Variants in NFKB2 observed in about 807,000 individuals in gnomAD.
The protein encoded by NFKB2 is nuclear factor kappa B subunit 2, also known as nuclear factor NF-kappa-B p100 subunit.
NFKB2 carries 21 observed loss-of-function variants against 109.3 expected under a neutral mutation model. The ratio of observed to expected loss-of-function variants is 0.19; its 90% CI spans 0.14 to 0.28. The LOEUF is 0.28. Ranked by LOEUF, NFKB2 falls within the 10% of genes least tolerant of loss-of-function variation. The pLI, the probability that NFKB2 is intolerant of heterozygous loss-of-function variation, is 1.00. For missense variants in NFKB2, 806 were observed against 1,185.3 expected (o/e 0.68, Z 4.70); for synonymous variants, 478 against 489.9 (o/e 0.98, Z 0.32).
intron 12 of NFKB2, 149 bp downstream of exon 12, chr10:102,399,013 G>T: frequency 1.1e-6 from 1 of 908,136 alleles, no homozygotes; most frequent in Non-Finnish European, 1.6e-6. Context: ...AGGAGTTCAA[G>T]ACCAGCTTGG....
Position 102,400,952 on chromosome 10 carries a change from G to A in NFKB2, c.1974G>A (p.Arg658=). ...GLVTHLVTKL[R]ANVNARTFAG... is the part of the protein sequence containing the mutation. ...CTCGCTGCTCGCACCCCCAGCTCCG[G>A]GCCAACGTGAACGCTCGCACCTTTG... The change falls in exon 18 of 23, where the codon CGG becomes CGA. Residue 658 remains arginine, a synonymous_variant. Transcript: ENST00000661543. This position sits in a 1 kb window ranked among gnomAD's most constrained non-coding sequence, Gnocchi z 6.3. 1 of 1,612,976 alleles carries A rather than the reference G, an allele frequency of 6.2e-7. No individual in the cohort carries two copies. Among genetic ancestry groups the A allele is most frequent in the East Asian group, 2.2e-5 (1 of 44,848 alleles).
At chr10:102,395,601 C>G, upstream of NFKB2, 1 of 439,180 alleles carries the variant, frequency 2.3e-6, no homozygotes, top group East Asian at 3.9e-5. Flanking sequence ...CGAGGGCCTC[C>G]CGCCCCTCCC....
Position 102,398,708 on chromosome 10 carries a change from T to G in NFKB2, c.992-31T>G. The G allele has an allele frequency of 6.2e-7, 1 of 1,612,116 alleles. No individual in the cohort carries two copies. The highest frequency in any genetic ancestry group is 8.5e-7 in the Non-Finnish European group (1 of 1,179,994). On this transcript the variant is annotated intron_variant, in intron 11 of 22. Transcript: ENST00000661543. The surrounding 1 kb of genome is among the most constrained non-coding windows in gnomAD (Gnocchi z 6.6). Reference sequence around the variant, plus strand: ...GGCCCCTGAGGCATGACACAATAACTGGGCTCAATCTCATTTTCCTCTGCC... The same window carrying G: ...GGCCCCTGAGGCATGACACAATAACGGGGCTCAATCTCATTTTCCTCTGCC...
Position 102,400,205 on chromosome 10 carries a change from G to T in NFKB2, c.1584+11G>T. 6.2e-7 allele frequency: 1 copy of T among 1,613,900 alleles called. No individual in the cohort carries two copies. Among genetic ancestry groups the T allele is most frequent in the Non-Finnish European group, 8.5e-7 (1 of 1,179,896 alleles). On this transcript the variant is annotated intron_variant, in intron 15 of 22. Transcript: ENST00000661543. The surrounding 1 kb of genome is among the most constrained non-coding windows in gnomAD (Gnocchi z 6.3). ...AACCACCTGCACCAGGTGCGGGGGC[G>T]CCTACTGGGGAGGTGGGAGGGGTTG...
In NFKB2 at chr10:102,400,570, T is replaced by C; in HGVS notation, c.1798+79T>C. On this transcript the variant is annotated intron_variant, in intron 16 of 22. Coordinates refer to ENST00000661543, the MANE Select transcript of NFKB2 (RefSeq NM_001322934.2). The surrounding 1 kb of genome is among the most constrained non-coding windows in gnomAD (Gnocchi z 6.3). ...TCTGGCCAGTGCCCAGAATGGACTA[T>C]GAGGTGTCGAGATTGAATGGTCAGG... The C allele has an allele frequency of 1.3e-6, 2 of 1,595,816 alleles. No individual in the cohort carries two copies. The highest frequency in any genetic ancestry group is 8.6e-7 in the Non-Finnish European group (1 of 1,168,930).
upstream of NFKB2, among the ~76,000 whole-genome samples, chr10:102,395,101 T>TGGGGGGG (rs11306069): frequency 1.5e-4 from 3 of 20,614 alleles, no homozygotes; most frequent in African/African-American, 1.6e-4. Flanking sequence ...TTGTATTAGG[T>TGGGGGGG]GGGGGGGGGG....
Position 102,396,194 on chromosome 10 carries a change from G to T in NFKB2, c.22-59G>T. 3.9e-6 allele frequency: 6 copies of T among 1,553,174 alleles called. No homozygotes were observed. Among genetic ancestry groups the T allele is most frequent in the African/African-American group, 1.4e-5 (1 of 73,912 alleles). ...GACCACTGAAGACTTGGAGATGGGA[G>T]GTGGGGCTGTGGGGGGTGCTGAGAG... On this transcript the variant is annotated intron_variant, in intron 2 of 22. Coordinates refer to ENST00000661543, the MANE Select transcript of NFKB2 (RefSeq NM_001322934.2). This position sits in a 1 kb window ranked among gnomAD's most constrained non-coding sequence, Gnocchi z 5.9.
rs961042098 is a variant in NFKB2 at position 102,398,606 on chromosome 10, T to C, written c.991+83T>C. ...AGGTCCCAAGAGCTAGATGTGGGGA[T>C]GCATGAGCCAAGTCAGAAGTGCGAG... is the stretch of plus-strand genomic sequence containing the variant. On this transcript the variant is annotated intron_variant, in intron 11 of 22. Transcript: ENST00000661543. The surrounding 1 kb of genome is among the most constrained non-coding windows in gnomAD (Gnocchi z 6.6). 5 of 1,609,784 alleles carry C rather than the reference T, an allele frequency of 3.1e-6. No individual in the cohort carries two copies. Among genetic ancestry groups the C allele is most frequent in the South Asian group, 1.1e-5 (1 of 90,724 alleles).
Position 102,402,161 on chromosome 10 carries a change from TA to T in NFKB2, c.2578+5del, listed in dbSNP as rs779385810. 1 of 1,566,994 alleles carries T rather than the reference TA, an allele frequency of 6.4e-7. No homozygotes were observed. Among genetic ancestry groups the T allele is most frequent in the East Asian group, 2.4e-5 (1 of 42,166 alleles). ...CCCGAGACAAGCTGCCCAGCACAGG[TA>T]AAGGGGCCTCCCTGGAAGGTGGATC... is the stretch of plus-strand genomic sequence containing the variant. On this transcript the variant is annotated splice_donor_region_variant and intron_variant, in intron 22 of 22. Coordinates refer to ENST00000661543, the MANE Select transcript of NFKB2 (RefSeq NM_001322934.2).
chr10:102,399,354 T>TA lies in NFKB2; in HGVS notation c.1184_1185insA (p.Met395IlefsTer111). On this transcript the variant is annotated frameshift_variant, in exon 13 of 23. Coordinates refer to ENST00000661543, the MANE Select transcript of NFKB2 (RefSeq NM_001322934.2). LOFTEE classifies it high-confidence loss of function. Reference sequence around the variant, plus strand: ...CCCTACCAGTCCGGCGCGGGCCCCATGGGCTGCTACCCGGGAGGCGGGGGC... The same window carrying TA: ...CCCTACCAGTCCGGCGCGGGCCCCATAGGGCTGCTACCCGGGAGGCGGGGGC... The TA allele has an allele frequency of 6.4e-7, 1 of 1,566,518 alleles. No homozygotes were observed. The highest frequency in any genetic ancestry group is 8.6e-7 in the Non-Finnish European group (1 of 1,157,966).
rs1410217458 is a variant in NFKB2, at chr10:102,397,991, G to C, written c.672G>C (p.Gly224=). ...TATCCCACTCCATAGAATCTCCGGG[G>C]GCATCAAACCTGAAGATTTCTCGAA... is the stretch of plus-strand genomic sequence containing the variant. ...SQPIHDSKSP[G]ASNLKISRMD... The change falls in exon 9 of 23, where the codon GGG becomes GGC. Residue 224 remains glycine (G), a synonymous_variant. Coordinates refer to ENST00000661543, the MANE Select transcript of NFKB2 (RefSeq NM_001322934.2). The surrounding 1 kb of genome is among the most constrained non-coding windows in gnomAD (Gnocchi z 4.7). The C allele has an allele frequency of 3.1e-6, 5 of 1,614,006 alleles. No individual in the cohort carries two copies. Among genetic ancestry groups the C allele is most frequent in the Non-Finnish European group, 4.2e-6 (5 of 1,179,992 alleles).
Position 102,399,269 on chromosome 10 carries a change from G to A in NFKB2, c.1118-19G>A, listed in dbSNP as rs761805312. 7.0e-6 allele frequency: 11 copies of A among 1,568,396 alleles called. No individual in the cohort carries two copies. The highest frequency in any genetic ancestry group is 9.5e-6 in the Non-Finnish European group (11 of 1,157,254). ...TCATGGCTGGTGCCCGCTTCCCACA[G>A]CCCTGCCTGTATCCACAGGTGGCAG... On this transcript the variant is annotated intron_variant, in intron 12 of 22. Transcript: ENST00000661543.
At position 102,397,647 on chromosome 10, in the gene NFKB2, C is replaced by G. The variant is rs2061141364; in HGVS notation, c.623C>G (p.Pro208Arg). 6.2e-7 allele frequency: 1 copy of G among 1,613,336 alleles called. No individual in the cohort carries two copies. The highest frequency in any genetic ancestry group is 8.5e-7 in the Non-Finnish European group (1 of 1,179,348). The change falls in exon 8 of 23, where the codon CCC (proline) becomes CGC (arginine). Residue 208 changes from proline to arginine, a missense_variant. Transcript: ENST00000661543. The surrounding 1 kb of genome is among the most constrained non-coding windows in gnomAD (Gnocchi z 4.7). ...LRASDGSFSL[P>R]LKPVISQPIH... ...GCCAGTGATGGCTCCTTCTCCCTGC[C>G]CCTGAAGCCAGTCATCTCCCAGCCC...
In NFKB2 at chr10:102,400,200, G is replaced by A; in HGVS notation, c.1584+6G>A. 1 of 1,614,004 alleles carries A rather than the reference G, an allele frequency of 6.2e-7. No individual in the cohort carries two copies. Among genetic ancestry groups the A allele is most frequent in the East Asian group, 2.2e-5 (1 of 44,878 alleles). ...TCACCAACCACCTGCACCAGGTGCG[G>A]GGGCGCCTACTGGGGAGGTGGGAGG... On this transcript the variant is annotated splice_donor_region_variant and intron_variant, in intron 15 of 22. Coordinates refer to ENST00000661543, the MANE Select transcript of NFKB2 (RefSeq NM_001322934.2). The surrounding 1 kb of genome is among the most constrained non-coding windows in gnomAD (Gnocchi z 6.3).
At chr10:102,394,993 TGCTC>T (rs1483415386), upstream of NFKB2, among the ~76,000 whole-genome samples, 3 of 151,340 alleles carry the variant, frequency 2.0e-5, no homozygotes, top group Non-Finnish European at 4.4e-5. Context: ...TCTACACACA[TGCTC>T]GCTTGCACAC....
Position 102,398,933 on chromosome 10 carries a change from G to T in NFKB2, c.1117+69G>T. The T allele has an allele frequency of 6.6e-7, 1 of 1,517,508 alleles. No individual in the cohort carries two copies. The highest frequency in any genetic ancestry group is 8.9e-7 in the Non-Finnish European group (1 of 1,121,160). The allele number at this position is 1,517,508 out of a possible 1,614,324, so 94.0% of individuals were successfully genotyped here. A position where few individuals can be genotyped will look rare whatever the true frequency, so the allele number is the denominator to read the frequency against. On this transcript the variant is annotated intron_variant, in intron 12 of 22. Transcript: ENST00000661543. The surrounding 1 kb of genome is among the most constrained non-coding windows in gnomAD (Gnocchi z 6.6). ...TGTGGAGGAAAAAAATCTGGGGGAG[G>T]CCGGGCGTGGTGGCTCACGCCTGTA...
chr10:102,396,633 G>GT lies in NFKB2; in HGVS notation c.145-89dup, dbSNP rs138364110. The GT allele has an allele frequency of 0.33, 515,131 of 1,550,968 alleles. 89,975 individuals carry two copies. The highest frequency in any genetic ancestry group is 0.48 in the South Asian group (42,884 of 89,006). ...CACTGCTGCTGATCAGAGTGCTGTAGTTTGGTTCAGGGCTACTACCAGGCA... is the reference window on the plus strand; with the variant it reads ...CACTGCTGCTGATCAGAGTGCTGTAGTTTTGGTTCAGGGCTACTACCAGGCA... On this transcript the variant is annotated intron_variant, in intron 4 of 22. Coordinates refer to ENST00000661543, the MANE Select transcript of NFKB2 (RefSeq NM_001322934.2). This position sits in a 1 kb window ranked among gnomAD's most constrained non-coding sequence, Gnocchi z 5.9.
chr10:102,395,011 T>G (rs983140651), upstream of NFKB2, among the ~76,000 whole-genome samples: 14 of 149,182 alleles, frequency 9.4e-5, no homozygotes, highest in African/African-American at 3.5e-4. Flanking sequence ...TGCACACTCA[T>G]GTTGACGCCA....
Position 102,401,619 on chromosome 10 carries a change from A to C in NFKB2, c.2293+101A>C. The C allele has an allele frequency of 1.3e-6, 2 of 1,525,888 alleles. No individual in the cohort carries two copies. Among genetic ancestry groups the C allele is most frequent in the Non-Finnish European group, 1.8e-6 (2 of 1,118,892 alleles). The allele number at this position is 1,525,888 out of a possible 1,614,324, so 94.5% of individuals were successfully genotyped here. On this transcript the variant is annotated intron_variant, in intron 20 of 22. Coordinates refer to ENST00000661543, the MANE Select transcript of NFKB2 (RefSeq NM_001322934.2). The surrounding 1 kb of genome is among the most constrained non-coding windows in gnomAD (Gnocchi z 4.2). The stretch of plus-strand genomic sequence containing the variant: ...AGGAGGCCTCCCTTTCTCTACCCTC[A>C]GCCCCGTCCATCACCCCTCATGGTC...
Sources: gnomAD v4.1 joint callset for allele counts (sites outside exome capture counted in the v4.1 genomes callset) on GRCh38, gnomAD v4.1.1 for gene constraint, Gnocchi (gnomAD v3.1) non-coding constraint, MANE v1.5 for transcripts, NCBI Gene and HGNC (gene_info 2026-07-23, HGNC 2026-07-21) for gene names.